The following TNRC6B variants were observed in gnomAD, a reference collection of about 807,000 sequenced individuals.
TNRC6B encodes the protein trinucleotide repeat-containing gene 6B protein.
TNRC6B carries 52 observed loss-of-function variants against 203.6 expected under a neutral mutation model. That is an observed-to-expected ratio of 0.26 (90% CI 0.20 to 0.32). The LOEUF (loss-of-function observed/expected upper bound fraction) is 0.32, where lower values mean the gene tolerates loss of function less well. Ranked by LOEUF, TNRC6B falls within the 10% of genes least tolerant of loss-of-function variation. The probability of loss-of-function intolerance (pLI) is 1.00; values close to 1 mark genes in which losing one functional copy is unlikely to be tolerated. For synonymous variants in TNRC6B, 838 were observed against 845.7 expected, an observed-to-expected ratio of 0.99 and a Z score of 0.16; for missense variants, 1,923 against 2,286.2, an observed-to-expected ratio of 0.84 and a Z score of 3.24.
chr22:40,093,577 C>T (rs1194430181), intron 1 of TNRC6B, among the ~76,000 whole-genome samples: 1 of 152,120 alleles, frequency 6.6e-6, no homozygotes, highest in Non-Finnish European at 1.5e-5. Context: ...CAGTGGAAGC[C>T]ACAAGACAAT....
intron 1 of TNRC6B, among the ~76,000 whole-genome samples, chr22:40,241,798 T>C (rs2070032230): frequency 6.6e-6 from 1 of 152,234 alleles, no homozygotes; most frequent in African/African-American, 2.4e-5. Context: ...CTCATTTCAA[T>C]TTATTCATTT....
chr22:40,256,612 T>C (rs1306295668), intron 3 of TNRC6B, among the ~76,000 whole-genome samples: 2 of 152,224 alleles, frequency 1.3e-5, no homozygotes, highest in African/African-American at 4.8e-5. Context: ...GCCACACTCA[T>C]ATGTTTACAC....
chr22:40,286,082 A>T (rs2070776200), intron 12 of TNRC6B, among the ~76,000 whole-genome samples: 1 of 152,190 alleles, frequency 6.6e-6, no homozygotes, highest in African/African-American at 2.4e-5. Context: ...TTTTCTAACT[A>T]TATTTTTTGA....
intron 3 of TNRC6B, chr22:40,125,933 G>T (rs2068488825): frequency 3.5e-6 from 5 of 1,424,048 alleles, no homozygotes; most frequent in Middle Eastern, 1.8e-4. Flanking sequence ...AGTAGAATGG[G>T]TATTTCATTT....
At chr22:40,057,031 C>G (rs1397905013) in intron 1 of TNRC6B, among the ~76,000 whole-genome samples, 1 of 152,056 alleles carries the variant, frequency 6.6e-6, no homozygotes, top group African/African-American at 2.4e-5. Flanking sequence ...ATACCTTGAG[C>G]TCAAAATGAG....
intron 1 of TNRC6B, among the ~76,000 whole-genome samples, chr22:40,067,101 G>A (rs905545772): frequency 3.3e-5 from 5 of 151,708 alleles, no homozygotes; most frequent in Non-Finnish European, 7.4e-5. Context: ...ATGGAGTTTC[G>A]CCATGTTGCC....
At position 40,183,696 on chromosome 22, in the gene TNRC6B, G is replaced by GT. The variant is rs745330986; in HGVS notation, c.5+5569dup. Among the ~76,000 whole-genome samples, 1,038 of 142,796 alleles carry GT rather than the reference G, an allele frequency of 7.3e-3. 5 individuals carry two copies. The highest frequency in any genetic ancestry group is 0.021 in the African/African-American group (822 of 39,310). The allele number at this position is 142,796 out of a possible 152,430, so 93.7% of individuals were successfully genotyped here. On this transcript the variant is annotated intron_variant, in intron 1 of 22. Coordinates refer to ENST00000454349, the MANE Select transcript of TNRC6B (RefSeq NM_001162501.2). ...TATTTGACTAAATTATTACTAGGTT[G>GT]TTTTTTTTTTTTTAATATGAGATGG...
At chr22:40,292,061 G>C (rs902244766) in intron 12 of TNRC6B, among the ~76,000 whole-genome samples, 1 of 152,202 alleles carries the variant, frequency 6.6e-6, no homozygotes, top group African/African-American at 2.4e-5. Flanking sequence ...GGGTGTGGTG[G>C]CAGGCGTCTG....
rs2146560303 is a variant in TNRC6B at position 40,308,744 on chromosome 22, A to T, written c.4258+95A>T. 4 of 1,417,978 alleles carry T rather than the reference A, an allele frequency of 2.8e-6. No homozygotes were observed. The South Asian group carries it at 5.7e-5, about 20-fold the overall frequency. The allele number at this position is 1,417,978 out of a possible 1,614,324, so 87.8% of individuals were successfully genotyped here. On this transcript the variant is annotated intron_variant, in intron 16 of 22. Coordinates refer to ENST00000454349, the MANE Select transcript of TNRC6B (RefSeq NM_001162501.2). ...TTTTGAAGTACAGAACTTGGTATTC[A>T]TTTTCCTTGTGAATCCTATGATTGC...
chr22:40,294,138 A>AGTTATTT (rs1320234647), intron 12 of TNRC6B, among the ~76,000 whole-genome samples: 1 of 151,504 alleles, frequency 6.6e-6, no homozygotes, highest in Non-Finnish European at 1.5e-5. Context: ...CTGTAGTCTC[A>AGTTATTT]GTTATTTGGG....
intron 12 of TNRC6B, among the ~76,000 whole-genome samples, chr22:40,297,018 G>T (rs978214010): frequency 1.3e-5 from 2 of 152,200 alleles, no homozygotes; most frequent in African/African-American, 4.8e-5. Flanking sequence ...TTCCAGGAAA[G>T]AATCTAGATT....
intron 4 of TNRC6B, among the ~76,000 whole-genome samples, chr22:40,166,319 A>C (rs988609962): frequency 6.6e-6 from 1 of 152,352 alleles, no homozygotes; most frequent in East Asian, 1.9e-4. Context: ...CAACTTAAAA[A>C]AATTAACAAA....
Position 40,265,318 on chromosome 22 carries a change from A to G in TNRC6B, c.1088A>G (p.Glu363Gly). ...AGVNFVVSGR[E>G]QAQIHNTDGP... ...GTTAATTTTGTTGTCTCTGGCAGAG[A>G]ACAGGCTCAAATTCATAACACTGAT... is the stretch of plus-strand genomic sequence containing the variant. The change falls in exon 5 of 23, where the codon GAA becomes GGA. Residue 363 changes from glutamate to glycine, a missense_variant. This residue lies in a region of TNRC6B where 614 missense variants were observed against 587.7 expected (regional missense o/e 1.04). Coordinates refer to ENST00000454349, the MANE Select transcript of TNRC6B (RefSeq NM_001162501.2). The G allele has an allele frequency of 6.2e-7, 1 of 1,614,048 alleles. No homozygotes were observed. The highest frequency in any genetic ancestry group is 8.5e-7 in the Non-Finnish European group (1 of 1,179,898).
chr22:40,304,369 C>T (rs1245992675), intron 15 of TNRC6B, among the ~76,000 whole-genome samples: 1 of 151,998 alleles, frequency 6.6e-6, no homozygotes, highest in Non-Finnish European at 1.5e-5. Flanking sequence ...CCTGGTAATC[C>T]CAGCACTTTG....
intron 1 of TNRC6B, among the ~76,000 whole-genome samples, chr22:40,204,701 T>C (rs2069457766): frequency 1.3e-5 from 2 of 152,234 alleles, no homozygotes; most frequent in Admixed American, 6.5e-5. Context: ...AATAATTGAC[T>C]CTGGTAGTGA....
chr22:40,217,014 A>T (rs570702947), intron 1 of TNRC6B, among the ~76,000 whole-genome samples: 1 of 152,258 alleles, frequency 6.6e-6, no homozygotes, highest in African/African-American at 2.4e-5. Flanking sequence ...ATTCCAGTAC[A>T]GCCCCTTCTG....
chr22:40,255,820 C>T (rs1323694585), intron 3 of TNRC6B, among the ~76,000 whole-genome samples: 4 of 152,052 alleles, frequency 2.6e-5, no homozygotes, highest in Admixed American at 2.6e-4. Flanking sequence ...TACTGTATGT[C>T]TATTAATGCA....
chr22:40,061,661 T>C (rs1845400244), intron 1 of TNRC6B, among the ~76,000 whole-genome samples: 1 of 152,214 alleles, frequency 6.6e-6, no homozygotes, highest in Non-Finnish European at 1.5e-5. Context: ...TTTCATTTTA[T>C]CTTCTTTTTT....
At chr22:40,206,044 T>C (rs2069473382) in intron 1 of TNRC6B, among the ~76,000 whole-genome samples, 2 of 152,236 alleles carry the variant, frequency 1.3e-5, no homozygotes, top group Non-Finnish European at 2.9e-5. Flanking sequence ...TTTTCTCAAC[T>C]GTACAGTGAG....
Sources: allele counts gnomAD v4.1 joint callset (sites outside exome capture counted in the v4.1 genomes callset), GRCh38; gene constraint gnomAD v4.1.1; regional missense constraint gnomAD v4.1.1; transcripts MANE v1.5; gene names NCBI Gene and HGNC (gene_info 2026-07-23, HGNC 2026-07-21).